The following MEGF8 variants were observed in gnomAD, a reference collection of about 807,000 sequenced individuals.
The protein encoded by MEGF8 is multiple epidermal growth factor-like domains protein 8.
In MEGF8, 156 loss-of-function variants were observed where a neutral mutation model predicts 302.9. That is an observed-to-expected ratio of 0.52 (90% confidence interval 0.45 to 0.59). The LOEUF (loss-of-function observed/expected upper bound fraction) is 0.59. MEGF8 is among the 20% of genes least tolerant of loss of function. MEGF8 has a pLI of 0.00. For synonymous variants in MEGF8, 1,621 were observed against 1,660.5 expected (o/e 0.98, Z 0.58); for missense variants, 3,345 against 3,964.5 (o/e 0.84, Z 4.20).
At position 42,326,308 on chromosome 19, in the gene MEGF8, C is replaced by G. The variant is rs1475448824; in HGVS notation, c.65C>G (p.Ser22Cys). ...GCCTTGGCCGTGCTGGGGTCGCTGT[C>G]CCCTGGGGCCCGGGCGGGGGACTGC... ...VLALAVLGSL[S>C]PGARAGDCKG... Residue 22 changes from serine to cysteine, a missense_variant, in exon 1 of 42, where the codon TCC becomes TGC. Coordinates refer to ENST00000251268, the MANE Select transcript of MEGF8 (RefSeq NM_001271938.2). 4.5e-6 allele frequency: 7 copies of G among 1,562,620 alleles called. No homozygotes were observed. Among genetic ancestry groups the G allele is most frequent in the South Asian group, 2.4e-5 (2 of 84,218 alleles).
rs751051216 is a variant in MEGF8, at chr19:42,358,086, G to A, written c.5012-58G>A. 3 of 1,422,714 alleles carry A rather than the reference G, an allele frequency of 2.1e-6. No individual in the cohort carries two copies. Among genetic ancestry groups the A allele is most frequent in the Non-Finnish European group, 1.8e-6 (2 of 1,086,090 alleles). The allele number at this position is 1,422,714 out of a possible 1,614,324, so 88.1% of individuals were successfully genotyped here. ...TCACCGAACAGGGGACCGGGAGGTC[G>A]GCGGGGTCAGTGCTGTTGTCAGCCC... On this transcript the variant is annotated intron_variant, in intron 28 of 41. Transcript: ENST00000251268. This position sits in a 1 kb window ranked among gnomAD's most constrained non-coding sequence, Gnocchi z 4.4.
chr19:42,370,595 C>A, intron 39 of MEGF8, 106 bp from the exon 40 acceptor site: 1 of 1,329,802 alleles, frequency 7.5e-7, no homozygotes, highest in Non-Finnish European at 1.0e-6. Context: ...GGAGCCTGGC[C>A]TCCTGGGTCT....
rs1435308259 is a variant in MEGF8, at chr19:42,369,803, C to T, written c.6834+80C>T. 7.1e-7 allele frequency: 1 copy of T among 1,417,156 alleles called. No individual in the cohort carries two copies. The highest frequency in any genetic ancestry group is 9.5e-7 in the Non-Finnish European group (1 of 1,053,002). 87.8% of individuals were successfully genotyped at this position (1,417,156 alleles called of 1,614,324 possible). On this transcript the variant is annotated intron_variant, in intron 38 of 41. Coordinates refer to ENST00000251268, the MANE Select transcript of MEGF8 (RefSeq NM_001271938.2). The surrounding 1 kb of genome is among the most constrained non-coding windows in gnomAD (Gnocchi z 5.7). ...CTTCATCCCACGCTCAGGCGGCTCG[C>T]ATCTCATCCTGAGCCCTGATAAGCC... is the stretch of plus-strand genomic sequence containing the variant.
chr19:42,367,038 C>T (rs2039616005), intron 35 of MEGF8, among the ~76,000 whole-genome samples: 1 of 152,188 alleles, frequency 6.6e-6, no homozygotes, highest in Non-Finnish European at 1.5e-5. Flanking sequence ...AGGCAGCCGG[C>T]CCAAATTAAC....
intron 8 of MEGF8, among the ~76,000 whole-genome samples, chr19:42,339,863 C>T (rs768968853): frequency 6.6e-6 from 1 of 152,160 alleles, no homozygotes; most frequent in Non-Finnish European, 1.5e-5. Context: ...TTGAGACCAT[C>T]CTGGTTAACA....
chr19:42,375,436 C>CA lies in MEGF8; in HGVS notation c.7270-70dup. 1 of 1,433,090 alleles carries CA rather than the reference C, an allele frequency of 7.0e-7. No homozygotes were observed. Among genetic ancestry groups the CA allele is most frequent in the Non-Finnish European group, 9.3e-7 (1 of 1,071,650 alleles). 88.8% of individuals were successfully genotyped at this position (1,433,090 alleles called of 1,614,324 possible). A position where few individuals can be genotyped will look rare whatever the true frequency, so the allele number is the denominator to read the frequency against. On this transcript the variant is annotated intron_variant, in intron 41 of 41. Coordinates refer to ENST00000251268, the MANE Select transcript of MEGF8 (RefSeq NM_001271938.2). This position sits in a 1 kb window ranked among gnomAD's most constrained non-coding sequence, Gnocchi z 7.1. ...TTAGCAGTGGGTATAGAGTATTCGTCACTGCTGCTTGGGGGACAGGCTGGC... is the reference window on the plus strand; with the variant it reads ...TTAGCAGTGGGTATAGAGTATTCGTCAACTGCTGCTTGGGGGACAGGCTGGC...
At position 42,351,611 on chromosome 19, in the gene MEGF8, G is replaced by A; in HGVS notation, c.2988-37G>A. 1 of 1,599,258 alleles carries A rather than the reference G, an allele frequency of 6.3e-7. No homozygotes were observed. The highest frequency in any genetic ancestry group is 8.5e-7 in the Non-Finnish European group (1 of 1,173,388). On this transcript the variant is annotated intron_variant, in intron 17 of 41. Coordinates refer to ENST00000251268, the MANE Select transcript of MEGF8 (RefSeq NM_001271938.2). The surrounding 1 kb of genome is among the most constrained non-coding windows in gnomAD (Gnocchi z 5.6). The stretch of plus-strand genomic sequence containing the variant: ...AGAGGAAGATTCCCCACCGGCAAGG[G>A]GCTGGGGCTCTGACCCCCACCCCTG...
rs753410940 is a variant in MEGF8 at position 42,351,754 on chromosome 19, C to T, written c.3094C>T (p.Leu1032=). 2.6e-5 allele frequency: 41 copies of T among 1,576,018 alleles called. No individual in the cohort carries two copies. The highest frequency in any genetic ancestry group is 4.1e-5 in the African/African-American group (3 of 73,874). The part of the protein sequence containing the change: ...GWCGNEDNPT[L]GRCLQGDFSG... ...GTGTGGCAATGAGGACAACCCCACACTGGGACGGTGAGCCCGGGCAGGTGG... is the reference window on the plus strand; with the variant it reads ...GTGTGGCAATGAGGACAACCCCACATTGGGACGGTGAGCCCGGGCAGGTGG... The change falls in exon 18 of 42, where the codon CTG becomes TTG. Residue 1032 remains leucine (L), a synonymous_variant. Coordinates refer to ENST00000251268, the MANE Select transcript of MEGF8 (RefSeq NM_001271938.2). The surrounding 1 kb of genome is among the most constrained non-coding windows in gnomAD (Gnocchi z 5.6).
Position 42,356,972 on chromosome 19 carries a change from G to T in MEGF8, c.4821G>T (p.Arg1607=). The change falls in exon 27 of 42, where the codon CGG becomes CGT. Residue 1607 remains arginine, a synonymous_variant. Coordinates refer to ENST00000251268, the MANE Select transcript of MEGF8 (RefSeq NM_001271938.2). This position sits in a 1 kb window ranked among gnomAD's most constrained non-coding sequence, Gnocchi z 5.2. ...WVLNLTTLQW[R]QEKAPQTVEL... ...TCAACCTCACCACCCTGCAATGGCG[G>T]CAGGAGAAGGTGAGCATCTCTCCCC... is the stretch of plus-strand genomic sequence containing the variant. The T allele has an allele frequency of 6.3e-7, 1 of 1,598,442 alleles. No individual in the cohort carries two copies. Among genetic ancestry groups the T allele is most frequent in the Non-Finnish European group, 8.5e-7 (1 of 1,173,098 alleles).
chr19:42,363,360 C>A, intron 35 of MEGF8, 98 bp downstream of exon 35: 3 of 1,011,256 alleles, frequency 3.0e-6, no homozygotes, highest in Non-Finnish European at 4.4e-6. Flanking sequence ...CTCCTCCACC[C>A]TCCTCCTTCC....
rs376078071 is a variant in MEGF8 at position 42,375,720 on chromosome 19, G to A, written c.7483G>A (p.Val2495Met). The A allele has an allele frequency of 7.4e-6, 12 of 1,611,824 alleles. No homozygotes were observed. In the Admixed American group the frequency reaches 8.4e-5, roughly 11 times the overall value. ...TNVDIRLTLD[V>M]TFGAVDLYVS... ...CGTGGACATCCGCCTGACGCTGGAC[G>A]TGACCTTCGGGGCCGTGGACCTCTA... Residue 2495 changes from valine (V) to methionine (M), a missense_variant, in exon 42 of 42, where the codon GTG becomes ATG. Transcript: ENST00000251268. This position sits in a 1 kb window ranked among gnomAD's most constrained non-coding sequence, Gnocchi z 7.1.
chr19:42,356,087 T>C lies in MEGF8; in HGVS notation c.4397T>C (p.Leu1466Pro). ...GAGTCCCTTGTCATCCCCCAGAGCC[T>C]GGGTGTGTGCATCTGTGCCGAGGGC... ...HTGAGTCNQS[L>P]GVCICAEGFG... The change falls in exon 25 of 42, where the codon CTG becomes CCG. Residue 1466 changes from leucine (L) to proline (P), a missense_variant. Physicochemically the swap from Leu to Pro is moderately conservative, Grantham distance 98. Transcript: ENST00000251268. The surrounding 1 kb of genome is among the most constrained non-coding windows in gnomAD (Gnocchi z 5.2). 1 of 1,588,912 alleles carries C rather than the reference T, an allele frequency of 6.3e-7. No individual in the cohort carries two copies. Among genetic ancestry groups the C allele is most frequent in the Non-Finnish European group, 8.6e-7 (1 of 1,164,850 alleles).
Position 42,336,985 on chromosome 19 carries a change from T to G in MEGF8, c.1390+33T>G. 6.2e-7 allele frequency: 1 copy of G among 1,613,666 alleles called. No homozygotes were observed. Among genetic ancestry groups the G allele is most frequent in the South Asian group, 1.1e-5 (1 of 91,046 alleles). On this transcript the variant is annotated intron_variant, in intron 7 of 41. Transcript: ENST00000251268. This position sits in a 1 kb window ranked among gnomAD's most constrained non-coding sequence, Gnocchi z 4.8. ...GGCTCCCCAATCCTGCCTGCCTGCC[T>G]GCTGAGGGCCTGAGCCAACCCTGAG... is the stretch of plus-strand genomic sequence containing the variant.
chr19:42,367,573 A>G (rs1192234392), intron 35 of MEGF8, among the ~76,000 whole-genome samples: 2 of 152,040 alleles, frequency 1.3e-5, no homozygotes, highest in African/African-American at 4.8e-5. Context: ...CATTTTTCTA[A>G]GAAACTGTGG....
At position 42,356,434 on chromosome 19, in the gene MEGF8, C is replaced by T; in HGVS notation, c.4603C>T (p.Leu1535=). Residue 1535 remains leucine, a synonymous_variant, in exon 26 of 42, where the codon CTG becomes TTG. Coordinates refer to ENST00000251268, the MANE Select transcript of MEGF8 (RefSeq NM_001271938.2). The surrounding 1 kb of genome is among the most constrained non-coding windows in gnomAD (Gnocchi z 5.2). ...MFGGLGLPQG[L]LGNLYRYSVS... is the part of the protein sequence containing the mutation. ...TGGGGGCCTGGGCCTGCCCCAGGGG[C>T]TGCTGGGAAACCTGTACAGGTGAGG... The T allele has an allele frequency of 6.2e-7, 1 of 1,605,766 alleles. No individual in the cohort carries two copies.
rs1405711225 is a variant in MEGF8, at chr19:42,375,735, G to C, written c.7498G>C (p.Val2500Leu). The C allele has an allele frequency of 6.2e-7, 1 of 1,612,180 alleles. No homozygotes were observed. The highest frequency in any genetic ancestry group is 1.3e-5 in the African/African-American group (1 of 74,890). Residue 2500 changes from valine to leucine, a missense_variant, in exon 42 of 42, where the codon GTG (valine) becomes CTG (leucine). Physicochemically the swap from Val to Leu is conservative, Grantham distance 32. Coordinates refer to ENST00000251268, the MANE Select transcript of MEGF8 (RefSeq NM_001271938.2). This position sits in a 1 kb window ranked among gnomAD's most constrained non-coding sequence, Gnocchi z 7.1. ...GACGCTGGACGTGACCTTCGGGGCC[G>C]TGGACCTCTATGTCTCCACCTCCTA... Reference protein sequence around the residue: ...RLTLDVTFGAVDLYVSTSYDT... With the variant: ...RLTLDVTFGALDLYVSTSYDT...
intron 41 of MEGF8, among the ~76,000 whole-genome samples, chr19:42,373,706 GTTTTTTTTTTTT>G (rs750576656): frequency 9.9e-5 from 10 of 100,990 alleles, no homozygotes; most frequent in East Asian, 3.0e-4. Flanking sequence ...GGGCTTTTGG[GTTTTTTTTTTTT>G]TTTTTTTTTT....
chr19:42,368,740 G>A lies in MEGF8; in HGVS notation c.6481+78G>A. ...GATACAGTGAACATAGGGATACTGG[G>A]CCAGACCCAGAGGTGGGGCTCAGAG... On this transcript the variant is annotated intron_variant, in intron 36 of 41. Coordinates refer to ENST00000251268, the MANE Select transcript of MEGF8 (RefSeq NM_001271938.2). The surrounding 1 kb of genome is among the most constrained non-coding windows in gnomAD (Gnocchi z 4.9). 1 of 1,550,870 alleles carries A rather than the reference G, an allele frequency of 6.4e-7. No homozygotes were observed. The highest frequency in any genetic ancestry group is 8.7e-7 in the Non-Finnish European group (1 of 1,149,594).
At chr19:42,326,949 C>T (rs1050932344) in intron 1 of MEGF8, among the ~76,000 whole-genome samples, 41 of 152,076 alleles carry the variant, frequency 2.7e-4, no homozygotes, top group African/African-American at 9.7e-4. Flanking sequence ...AAACGATCCT[C>T]GCACCTCAGC....
Sources: allele counts gnomAD v4.1 joint callset (sites outside exome capture counted in the v4.1 genomes callset), GRCh38; gene constraint gnomAD v4.1.1; non-coding constraint Gnocchi (gnomAD v3.1); transcripts MANE v1.5; gene names NCBI Gene and HGNC (gene_info 2026-07-23, HGNC 2026-07-21).